Variants in PREX1 observed in about 807,000 individuals in gnomAD.
PREX1 encodes the protein phosphatidylinositol-3,4,5-trisphosphate dependent Rac exchange factor 1, also known as phosphatidylinositol 3,4,5-trisphosphate-dependent Rac exchanger 1 protein.
Under a neutral mutation model 198.3 loss-of-function variants are expected in PREX1, and 41 were observed. The ratio of observed to expected loss-of-function variants is 0.21; its 90% confidence interval spans 0.16 to 0.27. PREX1 has a LOEUF of 0.27. Ranked by LOEUF, PREX1 falls within the 10% of genes least tolerant of loss-of-function variation. PREX1 has a pLI of 1.00. For missense variants in PREX1, 1,620 were observed against 2,200.7 expected, an observed-to-expected ratio of 0.74 and a Z score of 5.28; for synonymous variants, 843 against 887.2, an observed-to-expected ratio of 0.95 and a Z score of 0.89.
chr20:48,858,659 G>A, the PREX1 span, among the ~76,000 whole-genome samples: 1 of 152,206 alleles, frequency 6.6e-6, no homozygotes, highest in Non-Finnish European at 1.5e-5. Flanking sequence ...TGACAGACAG[G>A]ATCCCAGGGT....
chr20:48,683,426 G>A (rs1392995682), intron 10 of PREX1, among the ~76,000 whole-genome samples: 1 of 152,228 alleles, frequency 6.6e-6, no homozygotes, highest in East Asian at 1.9e-4. Context: ...GCCTCTCTGG[G>A]CCTCATCAGG....
At chr20:48,734,016 T>C (rs994330304) in intron 4 of PREX1, among the ~76,000 whole-genome samples, 1 of 152,216 alleles carries the variant, frequency 6.6e-6, no homozygotes, top group East Asian at 1.9e-4. Flanking sequence ...GCCTCCCAAG[T>C]GCTGGGATTA....
At chr20:48,663,636 G>A (rs1391893716) in intron 15 of PREX1, among the ~76,000 whole-genome samples, 1 of 152,234 alleles carries the variant, frequency 6.6e-6, no homozygotes, top group African/African-American at 2.4e-5. Context: ...TGCTACAAAG[G>A]AAGAGTTAAG....
chr20:48,834,702 G>C, the PREX1 span, among the ~76,000 whole-genome samples: 1 of 152,120 alleles, frequency 6.6e-6, no homozygotes, highest in Admixed American at 6.5e-5. Context: ...TGGGACCCCA[G>C]GCATATGCCA....
intron 1 of PREX1, among the ~76,000 whole-genome samples, chr20:48,774,664 C>A (rs1342339620): frequency 6.6e-6 from 1 of 152,256 alleles, no homozygotes; most frequent in Admixed American, 6.5e-5. Flanking sequence ...AACCTGGGCA[C>A]CTCCTTCCAG....
intron 7 of PREX1, among the ~76,000 whole-genome samples, chr20:48,698,158 T>A (rs900247000): frequency 6.6e-6 from 1 of 152,036 alleles, no homozygotes; most frequent in South Asian, 2.1e-4. Context: ...AGCTCACTTG[T>A]GGAAGTGAGG....
At chr20:48,790,456 A>G (rs1001597954) in intron 1 of PREX1, among the ~76,000 whole-genome samples, 12 of 152,076 alleles carry the variant, frequency 7.9e-5, no homozygotes, top group Non-Finnish European at 1.6e-4. Flanking sequence ...GAGGGCTGCA[A>G]GGTAATTTAA....
At chr20:48,660,338 A>G (rs1342908080) in intron 15 of PREX1, among the ~76,000 whole-genome samples, 1 of 152,250 alleles carries the variant, frequency 6.6e-6, no homozygotes, top group Non-Finnish European at 1.5e-5. Context: ...ACAGTGTGGA[A>G]ATGCAGTAGA....
chr20:48,747,657 G>T, intron 2 of PREX1, 152 bp downstream of exon 2: 1 of 797,340 alleles, frequency 1.3e-6, no homozygotes. Flanking sequence ...GGGGCTGAAG[G>T]GAGCAAGCTG....
chr20:48,634,175 C>CAG (rs1568791981), intron 33 of PREX1, among the ~76,000 whole-genome samples: 2 of 75,028 alleles, frequency 2.7e-5, no homozygotes, highest in African/African-American at 5.2e-5. Context: ...TGGATGGATG[C>CAG]ATGGATGGAT....
At chr20:48,850,894 A>G in the PREX1 span, among the ~76,000 whole-genome samples, 1 of 152,192 alleles carries the variant, frequency 6.6e-6, no homozygotes, top group African/African-American at 2.4e-5. Context: ...CACCAGCCAA[A>G]TCCAGCCCCC....
At position 48,634,773 on chromosome 20, in the gene PREX1, C is replaced by A. The variant is rs1323742836; in HGVS notation, c.4170G>T (p.Lys1390Asn). ...CQSLLSPATV[K>N]EERTMLEDIW... ...TGTCCTCCAGCATGGTCCGTTCCTC[C>A]TTCTGCAGGAAGAAGACAGCGCGGA... Residue 1390 changes from lysine to asparagine, a missense_variant and splice_region_variant, in exon 33 of 40, where the codon AAG (lysine) becomes AAT (asparagine). Lys to Asn is a moderately conservative substitution (Grantham distance 94). This residue lies in a region of PREX1 where 476 missense variants were observed against 603.4 expected (regional missense o/e 0.79). Transcript: ENST00000371941. 6.2e-7 allele frequency: 1 copy of A among 1,613,894 alleles called. No individual in the cohort carries two copies. The highest frequency in any genetic ancestry group is 8.5e-7 in the Non-Finnish European group (1 of 1,179,894).
chr20:48,697,740 T>C (rs1482463691), intron 7 of PREX1, among the ~76,000 whole-genome samples: 1 of 152,160 alleles, frequency 6.6e-6, no homozygotes, highest in African/African-American at 2.4e-5. Context: ...AAGCAGGTAG[T>C]TGAGATGCAT....
Position 48,652,566 on chromosome 20 carries a change from T to C in PREX1, c.2467+20A>G, listed in dbSNP as rs752609447. 3.1e-6 allele frequency: 5 copies of C among 1,593,690 alleles called. No individual in the cohort carries two copies. The African/African-American group carries it at 6.7e-5, about 21-fold the overall frequency. On this transcript the variant is annotated intron_variant, in intron 21 of 39. Transcript: ENST00000371941. ...TCAGTCCCTCTGGAAGCTCCTGTCA[T>C]GCCATGCCCCGTCTATTACCTGAAT...
At chr20:48,731,866 A>G (rs2090036163) in intron 4 of PREX1, among the ~76,000 whole-genome samples, 1 of 152,220 alleles carries the variant, frequency 6.6e-6, no homozygotes, top group Admixed American at 6.5e-5. Flanking sequence ...GAAAGAAAGA[A>G]AGAAGTCAGT....
intron 3 of PREX1, among the ~76,000 whole-genome samples, chr20:48,737,376 T>C (rs75527420): frequency 0.048 from 7,361 of 152,200 alleles, 232 homozygotes; most frequent in Non-Finnish European, 0.071. Flanking sequence ...ATTCATGCAC[T>C]GTCCTTCTCC....
At chr20:48,804,508 G>A (rs1413359819) in intron 1 of PREX1, among the ~76,000 whole-genome samples, 1 of 152,244 alleles carries the variant, frequency 6.6e-6, no homozygotes, top group Non-Finnish European at 1.5e-5. Flanking sequence ...TGAGGCAGGA[G>A]TGTGCTGGGC....
At chr20:48,834,888 G>A in the PREX1 span, among the ~76,000 whole-genome samples, 265 of 152,118 alleles carry the variant, frequency 1.7e-3, no homozygotes, top group Non-Finnish European at 3.3e-3. Context: ...GCAAGGCACT[G>A]TTGGATTACA....
chr20:48,663,883 TGCACACACATACAAGTGTGAGTGCGC>T (rs2089614789), intron 15 of PREX1, among the ~76,000 whole-genome samples: 1 of 151,346 alleles, frequency 6.6e-6, no homozygotes, highest in Non-Finnish European at 1.5e-5. Context: ...TGCACATGTG[TGCACACACATACAAGTGTGAGTGCGC>T]GCACACACAC....
Sources: gnomAD v4.1 joint callset for allele counts (sites outside exome capture counted in the v4.1 genomes callset) on GRCh38, gnomAD v4.1.1 for gene constraint, gnomAD v4.1.1 regional missense constraint, MANE v1.5 for transcripts, NCBI Gene and HGNC (gene_info 2026-07-23, HGNC 2026-07-21) for gene names.